Variants in ST6GALNAC3 observed in about 807,000 individuals in gnomAD.
ST6GALNAC3 encodes alpha-N-acetylgalactosaminide alpha-2,6-sialyltransferase 3.
In ST6GALNAC3, 25 loss-of-function variants were observed where a neutral mutation model predicts 32.7. The ratio of observed to expected loss-of-function variants is 0.76; its 90% CI spans 0.56 to 1.07. The LOEUF (loss-of-function observed/expected upper bound fraction) is 1.07. Among genes scored for constraint, ST6GALNAC3 ranks in the 50% least tolerant of loss-of-function variants. ST6GALNAC3 has a pLI of 0.00. For missense variants in ST6GALNAC3, 355 were observed against 382.4 expected, an observed-to-expected ratio of 0.93 and a Z score of 0.60; for synonymous variants, 129 against 133.1, an observed-to-expected ratio of 0.97 and a Z score of 0.21.
At chr1:76,125,973 G>T (rs1024574822) in intron 1 of ST6GALNAC3, among the ~76,000 whole-genome samples, 3 of 152,192 alleles carry the variant, frequency 2.0e-5, no homozygotes, top group African/African-American at 7.2e-5. Flanking sequence ...TATTCAGTTA[G>T]TGTAAATCTT....
chr1:76,082,229 G>C (rs1281404546), intron 1 of ST6GALNAC3, among the ~76,000 whole-genome samples: 1 of 152,212 alleles, frequency 6.6e-6, no homozygotes, highest in Non-Finnish European at 1.5e-5. Flanking sequence ...AACAGTGGAG[G>C]AAGGCATTTT....
At chr1:76,326,801 T>C (rs1209207442) in intron 2 of ST6GALNAC3, among the ~76,000 whole-genome samples, 1 of 149,790 alleles carries the variant, frequency 6.7e-6, no homozygotes, top group East Asian at 2.0e-4. Flanking sequence ...ACTGAACTCT[T>C]CTAATTAAGT....
At chr1:76,634,811 T>C (rs1307854240), downstream of ST6GALNAC3, among the ~76,000 whole-genome samples, 1 of 83,952 alleles carries the variant, frequency 1.2e-5, no homozygotes. Flanking sequence ...GCCATTCTCC[T>C]GCCTCAGCCT....
intron 1 of ST6GALNAC3, among the ~76,000 whole-genome samples, chr1:76,220,703 G>C (rs1204859403): frequency 6.6e-6 from 1 of 152,174 alleles, no homozygotes; most frequent in Non-Finnish European, 1.5e-5. Context: ...TGTTAACCTG[G>C]TGGAGCTGTT....
At chr1:76,368,686 C>A (rs1650579061) in intron 2 of ST6GALNAC3, among the ~76,000 whole-genome samples, 1 of 152,204 alleles carries the variant, frequency 6.6e-6, no homozygotes, top group African/African-American at 2.4e-5. Flanking sequence ...AAATTACTTA[C>A]ATCTTCCTTA....
intron 3 of ST6GALNAC3, among the ~76,000 whole-genome samples, chr1:76,416,687 G>T (rs1231996315): frequency 6.9e-6 from 1 of 145,918 alleles, no homozygotes; most frequent in Non-Finnish European, 1.5e-5. Context: ...GAGTGCAGTG[G>T]CATGATCTCT....
In ST6GALNAC3 at chr1:76,630,347, T is replaced by G; in HGVS notation, c.*1541T>G. ...ACGTATATATACACGTGTGGTTCTA[T>G]TTAGGTGGGGAAAAAATGAAAAAGC... On this transcript the variant is annotated 3_prime_UTR_variant, in exon 5 of 5. Transcript: ENST00000328299. The G allele has an allele frequency of 1.0e-6, 1 of 985,132 alleles. No individual in the cohort carries two copies. Among genetic ancestry groups the G allele is most frequent in the Non-Finnish European group, 1.2e-6 (1 of 829,778 alleles). The allele number at this position is 985,132 out of a possible 1,614,324, so 61.0% of individuals were successfully genotyped here.
At chr1:76,324,914 A>AT (rs1288251257) in intron 2 of ST6GALNAC3, among the ~76,000 whole-genome samples, 1 of 152,074 alleles carries the variant, frequency 6.6e-6, no homozygotes, top group African/African-American at 2.4e-5. Flanking sequence ...TTGCACTTTC[A>AT]TTTTTTTAAT....
intron 3 of ST6GALNAC3, among the ~76,000 whole-genome samples, chr1:76,442,542 A>T (rs1656685916): frequency 6.6e-6 from 1 of 152,188 alleles, no homozygotes; most frequent in Non-Finnish European, 1.5e-5. Flanking sequence ...AATTCATTTC[A>T]TGATTTAGTG....
At chr1:76,464,145 C>T (rs1301646157) in intron 3 of ST6GALNAC3, among the ~76,000 whole-genome samples, 1 of 152,128 alleles carries the variant, frequency 6.6e-6, no homozygotes, top group Non-Finnish European at 1.5e-5. Context: ...GACTTAGTAC[C>T]TCACTGAACA....
intron 3 of ST6GALNAC3, among the ~76,000 whole-genome samples, chr1:76,481,051 A>G (rs1203147735): frequency 1.3e-5 from 2 of 152,110 alleles, no homozygotes; most frequent in African/African-American, 4.8e-5. Flanking sequence ...GTAACTGTGT[A>G]TCTATTGAAA....
intron 3 of ST6GALNAC3, among the ~76,000 whole-genome samples, chr1:76,505,306 T>C (rs1271689504): frequency 6.6e-6 from 1 of 152,046 alleles, no homozygotes; most frequent in Non-Finnish European, 1.5e-5. Flanking sequence ...GTATTTTTAC[T>C]AGAGATGGGG....
At chr1:76,402,449 C>T (rs1179324448) in intron 2 of ST6GALNAC3, among the ~76,000 whole-genome samples, 2 of 152,098 alleles carry the variant, frequency 1.3e-5, no homozygotes, top group East Asian at 1.9e-4. Flanking sequence ...GTTGCTAGTG[C>T]CCATGACTAT....
rs146256043 is a variant in ST6GALNAC3 at position 76,352,325 on chromosome 1, T to C, written c.213+38326T>C. ...ATTGTTCTGTGTTTTTGGCTGACTC[T>C]GCTTTTCAATACCGTCTGTCCAACT... On this transcript the variant is annotated intron_variant, in intron 2 of 4. Coordinates refer to ENST00000328299, the MANE Select transcript of ST6GALNAC3 (RefSeq NM_152996.4). 3.1e-3 allele frequency among the ~76,000 whole-genome samples: 469 copies of C among 151,952 alleles called. 3 individuals carry two copies. The highest frequency in any genetic ancestry group is 0.01 in the African/African-American group (431 of 41,442).
At chr1:76,232,815 G>A (rs1430951972) in intron 1 of ST6GALNAC3, among the ~76,000 whole-genome samples, 2 of 152,228 alleles carry the variant, frequency 1.3e-5, no homozygotes, top group African/African-American at 4.8e-5. Context: ...CCAGTGGTTT[G>A]CAGGAGCCGG....
chr1:76,148,182 G>C (rs1650810285), intron 1 of ST6GALNAC3, among the ~76,000 whole-genome samples: 1 of 152,142 alleles, frequency 6.6e-6, no homozygotes, highest in East Asian at 1.9e-4. Flanking sequence ...TGACGCATCT[G>C]TTTCCTCAGT....
At chr1:76,391,053 C>A (rs893561048) in intron 2 of ST6GALNAC3, among the ~76,000 whole-genome samples, 14 of 151,386 alleles carry the variant, frequency 9.2e-5, no homozygotes, top group Non-Finnish European at 1.9e-4. Context: ...CATTCTCCTG[C>A]CTCAGCCTCC....
chr1:76,212,502 G>A (rs1246825072), intron 1 of ST6GALNAC3, among the ~76,000 whole-genome samples: 2 of 152,082 alleles, frequency 1.3e-5, no homozygotes, highest in African/African-American at 4.8e-5. Context: ...ATGGCTTGGA[G>A]TTTAGATTCT....
At chr1:76,333,519 G>A (rs1446721760) in intron 2 of ST6GALNAC3, among the ~76,000 whole-genome samples, 2 of 152,106 alleles carry the variant, frequency 1.3e-5, no homozygotes, top group African/African-American at 4.8e-5. Context: ...CAGTTCAAAT[G>A]TTAACTTCTT....
Sources: allele counts gnomAD v4.1 joint callset (sites outside exome capture counted in the v4.1 genomes callset), GRCh38; gene constraint gnomAD v4.1.1; transcripts MANE v1.5; gene names NCBI Gene and HGNC (gene_info 2026-07-23, HGNC 2026-07-21).